PRTFDC1: variants seen among roughly 807,000 people sequenced by gnomAD.
The protein encoded by PRTFDC1 is phosphoribosyltransferase domain-containing protein 1.
PRTFDC1 carries 38 observed loss-of-function variants against 34.6 expected under a neutral mutation model. The ratio of observed to expected loss-of-function variants is 1.10; its 90% CI spans 0.85 to 1.44. PRTFDC1 has a LOEUF of 1.44. PRTFDC1 is among the 40% of genes most tolerant of loss of function. PRTFDC1 has a pLI of 0.00. For synonymous variants in PRTFDC1, 93 were observed against 98.1 expected (o/e 0.95, Z 0.31); for missense variants, 270 against 283.0 (o/e 0.95, Z 0.33).
At chr10:24,906,441 G>A (rs892156026) in intron 3 of PRTFDC1, among the ~76,000 whole-genome samples, 1 of 152,054 alleles carries the variant, frequency 6.6e-6, no homozygotes, top group African/African-American at 2.4e-5. Flanking sequence ...ACAAAAACAT[G>A]GTGTCATTTG....
chr10:24,936,253 A>T (rs111806882), intron 3 of PRTFDC1, among the ~76,000 whole-genome samples: 1 of 152,080 alleles, frequency 6.6e-6, no homozygotes, highest in African/African-American at 2.4e-5. Context: ...AGTTAACATC[A>T]TAGAGGGAGG....
intron 3 of PRTFDC1, among the ~76,000 whole-genome samples, chr10:24,874,011 G>A (rs1327763832): frequency 1.3e-5 from 2 of 150,770 alleles, no homozygotes; most frequent in African/African-American, 2.4e-5. Flanking sequence ...GGGCTCAAGC[G>A]ATCCTCCTGC....
intron 4 of PRTFDC1, among the ~76,000 whole-genome samples, chr10:24,871,280 G>T (rs576723094): frequency 6.6e-6 from 1 of 152,108 alleles, no homozygotes; most frequent in Non-Finnish European, 1.5e-5. Flanking sequence ...TACAAGCTAG[G>T]TCAGTACGGC....
At chr10:24,853,030 C>T (rs1847516345) in intron 7 of PRTFDC1, among the ~76,000 whole-genome samples, 2 of 151,782 alleles carry the variant, frequency 1.3e-5, no homozygotes, top group African/African-American at 4.8e-5. Context: ...TTCCTCCAAA[C>T]TGCAGAGTTT....
At chr10:24,880,813 C>CTCTTTCTT (rs34113964) in intron 3 of PRTFDC1, among the ~76,000 whole-genome samples, 12,404 of 114,830 alleles carry the variant, frequency 0.11, 951 homozygotes, top group East Asian at 0.14. Flanking sequence ...TACTGTCTTT[C>CTCTTTCTT]TCTTTCTTTC....
At chr10:24,926,730 C>T (rs549797479) in intron 3 of PRTFDC1, among the ~76,000 whole-genome samples, 74 of 152,194 alleles carry the variant, frequency 4.9e-4, no homozygotes, top group Non-Finnish European at 1.0e-3. Context: ...GTCCATTCCC[C>T]GAGATGTCTG....
At chr10:24,924,951 C>G (rs1564314678) in intron 3 of PRTFDC1, among the ~76,000 whole-genome samples, 1 of 152,154 alleles carries the variant, frequency 6.6e-6, no homozygotes. Context: ...ACCTTTGACC[C>G]AGGGATCCCA....
intron 6 of PRTFDC1, 51 bp downstream of exon 6, chr10:24,856,862 T>G: frequency 6.8e-7 from 1 of 1,469,344 alleles, no homozygotes; most frequent in Non-Finnish European, 9.5e-7. Flanking sequence ...GCATCCCTTT[T>G]GGGCTTGCTT....
intron 3 of PRTFDC1, among the ~76,000 whole-genome samples, chr10:24,902,225 A>T (rs1039528999): frequency 6.6e-6 from 1 of 151,912 alleles, no homozygotes; most frequent in Non-Finnish European, 1.5e-5. Context: ...TAATCTTCCA[A>T]CTGCTCTTTT....
chr10:24,879,862 T>C (rs909240244), intron 3 of PRTFDC1, among the ~76,000 whole-genome samples: 2 of 152,216 alleles, frequency 1.3e-5, no homozygotes, highest in Non-Finnish European at 2.9e-5. Context: ...TTCCGGTTCA[T>C]TTAAATACCC....
chr10:24,885,917 C>T (rs900659275), intron 3 of PRTFDC1, among the ~76,000 whole-genome samples: 2 of 152,158 alleles, frequency 1.3e-5, no homozygotes, highest in Non-Finnish European at 2.9e-5. Context: ...AAGATTCCAA[C>T]TAAATGACGT....
chr10:24,860,487 A>AGCC (rs1847661950), intron 4 of PRTFDC1, among the ~76,000 whole-genome samples: 2 of 152,234 alleles, frequency 1.3e-5, no homozygotes, highest in Non-Finnish European at 2.9e-5. Context: ...CCACCAAACC[A>AGCC]GCCGACCAAC....
chr10:24,851,371 T>C lies in PRTFDC1; in HGVS notation c.630+17A>G. 6.3e-7 allele frequency: 1 copy of C among 1,594,670 alleles called. No individual in the cohort carries two copies. The highest frequency in any genetic ancestry group is 8.5e-7 in the Non-Finnish European group (1 of 1,175,198). On this transcript the variant is annotated intron_variant, in intron 8 of 8. Coordinates refer to ENST00000320152, the MANE Select transcript of PRTFDC1 (RefSeq NM_020200.7). ...TCTTATAAAAAGGGCGGTTAGGGATTTGCATGCAAGACTTACATTCAGATC... is the reference window on the plus strand; with the variant it reads ...TCTTATAAAAAGGGCGGTTAGGGATCTGCATGCAAGACTTACATTCAGATC...
chr10:24,849,575 A>G lies in PRTFDC1; in HGVS notation c.*269T>C. 2.6e-6 allele frequency: 1 copy of G among 377,446 alleles called. No homozygotes were observed. The highest frequency in any genetic ancestry group is 4.2e-5 in the Admixed American group (1 of 23,534). 23.4% of individuals were successfully genotyped at this position (377,446 alleles called of 1,614,324 possible). On this transcript the variant is annotated 3_prime_UTR_variant, in exon 9 of 9. Coordinates refer to ENST00000320152, the MANE Select transcript of PRTFDC1 (RefSeq NM_020200.7). ...ATCAAAACAAAGGAAGGCGGAGCTC[A>G]GGAGTGTGAAGGTAGATAGCATTGC... is the stretch of plus-strand genomic sequence containing the variant.
chr10:24,850,473 A>T (rs1847465974), intron 8 of PRTFDC1, among the ~76,000 whole-genome samples: 1 of 152,138 alleles, frequency 6.6e-6, no homozygotes, highest in Non-Finnish European at 1.5e-5. Flanking sequence ...CTCTACAGCA[A>T]GTAAAAATAT....
intron 3 of PRTFDC1, among the ~76,000 whole-genome samples, chr10:24,916,337 C>T (rs1848695359): frequency 6.6e-6 from 1 of 152,166 alleles, no homozygotes; most frequent in South Asian, 2.1e-4. Flanking sequence ...CAGCACCACA[C>T]ACAGACTTAT....
rs940076057 is a variant in PRTFDC1, at chr10:24,849,119, T to C, written c.*725A>G. 5 of 152,398 alleles carry C rather than the reference T, an allele frequency of 3.3e-5. No homozygotes were observed. Among genetic ancestry groups the C allele is most frequent in the African/African-American group, 1.2e-4 (5 of 41,464 alleles). 9.4% of individuals were successfully genotyped at this position (152,398 alleles called of 1,614,324 possible). On this transcript the variant is annotated 3_prime_UTR_variant, in exon 9 of 9. Transcript: ENST00000320152. The stretch of plus-strand genomic sequence containing the variant: ...TTAGAAACCAGGGCCTTGCTGCTAT[T>C]GTATTTTTTTCTAATTAAAATTCAG...
rs1341823491 is a variant in PRTFDC1 at position 24,952,592 on chromosome 10, G to A, written c.-17C>T. The A allele has an allele frequency of 1.9e-6, 3 of 1,581,820 alleles. No individual in the cohort carries two copies. Among genetic ancestry groups the A allele is most frequent in the Middle Eastern group, 1.7e-4 (1 of 6,020 alleles). On this transcript the variant is annotated 5_prime_UTR_variant, in exon 1 of 9. Coordinates refer to ENST00000320152, the MANE Select transcript of PRTFDC1 (RefSeq NM_020200.7). The surrounding 1 kb of genome is among the most constrained non-coding windows in gnomAD (Gnocchi z 5.1). ...CCCGGCCATGTTTCTCCCGGGGAAC[G>A]CGGGAAGGGAAGACGGCGCGGGAAG...
intron 3 of PRTFDC1, among the ~76,000 whole-genome samples, chr10:24,931,567 A>T (rs1848972458): frequency 1.3e-5 from 2 of 152,000 alleles, no homozygotes; most frequent in South Asian, 2.1e-4. Flanking sequence ...TACAGAGATT[A>T]AAGATAATAA....
Sources: gnomAD v4.1 joint callset for allele counts (sites outside exome capture counted in the v4.1 genomes callset) on GRCh38, gnomAD v4.1.1 for gene constraint, Gnocchi (gnomAD v3.1) non-coding constraint, MANE v1.5 for transcripts, NCBI Gene and HGNC (gene_info 2026-07-23, HGNC 2026-07-21) for gene names.